CC2D1B: variants seen among roughly 807,000 people sequenced by gnomAD.
The protein encoded by CC2D1B is coiled-coil and C2 domain containing 1B, also known as coiled-coil and C2 domain-containing protein 1B.
A neutral mutation model predicts 110.8 loss-of-function variants in CC2D1B; 92 were observed. That is an observed-to-expected ratio of 0.83 (90% CI 0.70 to 0.99). The LOEUF (loss-of-function observed/expected upper bound fraction) is 0.99. CC2D1B is among the 50% of genes least tolerant of loss of function. CC2D1B has a pLI of 0.00. For missense variants in CC2D1B, 1,136 were observed against 1,089.0 expected (o/e 1.04, Z -0.61); for synonymous variants, 406 against 429.2 (o/e 0.95, Z 0.67).
Position 52,353,118 on chromosome 1 carries a change from G to A in CC2D1B, c.*107C>T, listed in dbSNP as rs930907633. 8.8e-7 allele frequency: 1 copy of A among 1,140,864 alleles called. No individual in the cohort carries two copies. The highest frequency in any genetic ancestry group is 1.3e-5 in the South Asian group (1 of 77,730). The allele number at this position is 1,140,864 out of a possible 1,614,324, so 70.7% of individuals were successfully genotyped here. A position where few individuals can be genotyped will look rare whatever the true frequency, so the allele number is the denominator to read the frequency against. The stretch of plus-strand genomic sequence containing the variant: ...CATGCTTAACAGGTCTTTGGTGCTT[G>A]GGTAGCAGCATCTCTTATGTACAAA... On this transcript the variant is annotated 3_prime_UTR_variant, in exon 25 of 25. Coordinates refer to ENST00000284376, the MANE Select transcript of CC2D1B (RefSeq NM_001330585.2).
chr1:52,357,736 C>G, intron 14 of CC2D1B, 38 bp from the exon 15 acceptor site: 1 of 1,606,988 alleles, frequency 6.2e-7, no homozygotes, highest in African/African-American at 1.3e-5. Context: ...CCACACCTGC[C>G]CTCTCTAGGC....
Position 52,357,744 on chromosome 1 carries a change from G to C in CC2D1B, c.1579+37C>G, listed in dbSNP as rs1557546289. The C allele has an allele frequency of 1.9e-6, 3 of 1,605,780 alleles. No homozygotes were observed. In the Admixed American group the frequency reaches 5.1e-5, roughly 27 times the overall value. ...GTTAGGGCCACACCTGCCCTCTCTA[G>C]GCCCTCAGTTCTTCACCCTGCTTGT... On this transcript the variant is annotated intron_variant, in intron 14 of 24. Coordinates refer to ENST00000284376, the MANE Select transcript of CC2D1B (RefSeq NM_001330585.2).
At position 52,359,871 on chromosome 1, in the gene CC2D1B, T is replaced by G. The variant is rs1245375914; in HGVS notation, c.776A>C (p.Gln259Pro). The G allele has an allele frequency of 6.2e-7, 1 of 1,611,522 alleles. No individual in the cohort carries two copies. The highest frequency in any genetic ancestry group is 1.7e-5 in the Admixed American group (1 of 59,642). The part of the protein sequence containing the change: ...PPALESDNPS[Q>P]PETSLPGISA... ...AATGCCAGGGAGGCTGGTCTCAGGT[T>G]GGGAGGGGTTGTCTATAAGGAAACA... The change falls in exon 8 of 25, where the codon CAA becomes CCA. Residue 259 changes from glutamine to proline, a missense_variant. By Grantham distance (76) the Gln-to-Pro change is moderately conservative. Coordinates refer to ENST00000284376, the MANE Select transcript of CC2D1B (RefSeq NM_001330585.2).
chr1:52,353,993 A>C (rs938086707), intron 23 of CC2D1B: 7 of 280,748 alleles, frequency 2.5e-5, no homozygotes, highest in African/African-American at 1.5e-4. Flanking sequence ...AAGAGAGAGA[A>C]GCAGATGACT....
chr1:52,362,471 G>A, intron 3 of CC2D1B, 131 bp downstream of exon 3: 1 of 1,095,908 alleles, frequency 9.1e-7, no homozygotes, highest in Non-Finnish European at 1.3e-6. Flanking sequence ...CTCTTGGTGG[G>A]AGTGCGGCAG....
rs749349326 is a variant in CC2D1B at position 52,356,460 on chromosome 1, G to C, written c.1879-18C>G. 1 of 1,614,130 alleles carries C rather than the reference G, an allele frequency of 6.2e-7. No homozygotes were observed. Among genetic ancestry groups the C allele is most frequent in the Non-Finnish European group, 8.5e-7 (1 of 1,179,976 alleles). Reference sequence around the variant, plus strand: ...AGGCACTTCTGAAAATAGAGGCCCAGAGTGACTCCCGAGCCCAGAGCAGGA... The same window carrying C: ...AGGCACTTCTGAAAATAGAGGCCCACAGTGACTCCCGAGCCCAGAGCAGGA... On this transcript the variant is annotated intron_variant, in intron 16 of 24. Transcript: ENST00000284376.
In CC2D1B at chr1:52,353,909, G is replaced by A. The variant is rs190292882; in HGVS notation, c.2431-262C>T. The stretch of plus-strand genomic sequence containing the variant: ...TGTTCATTTTCTCCTCAATCCCCAC[G>A]GCAACTTCTGGAAGAAACATTGGCT... On this transcript the variant is annotated intron_variant, in intron 23 of 24. Coordinates refer to ENST00000284376, the MANE Select transcript of CC2D1B (RefSeq NM_001330585.2). 548 of 350,812 alleles carry A rather than the reference G, an allele frequency of 1.6e-3. 2 individuals carry two copies. Among genetic ancestry groups the A allele is most frequent in the African/African-American group, 0.01 (505 of 48,146 alleles). 21.7% of individuals were successfully genotyped at this position (350,812 alleles called of 1,614,324 possible).
Position 52,357,135 on chromosome 1 carries a change from G to C in CC2D1B, c.1753-9C>G, listed in dbSNP as rs369362645. On this transcript the variant is annotated splice_polypyrimidine_tract_variant and intron_variant, in intron 15 of 24. Coordinates refer to ENST00000284376, the MANE Select transcript of CC2D1B (RefSeq NM_001330585.2). ...GTCAAGGGCGAAGGCACCTACCCAGGTCACAAGGCCCCTCGGGCCCCAAGA... is the reference window on the plus strand; with the variant it reads ...GTCAAGGGCGAAGGCACCTACCCAGCTCACAAGGCCCCTCGGGCCCCAAGA... 1.9e-6 allele frequency: 3 copies of C among 1,613,668 alleles called. No homozygotes were observed. The highest frequency in any genetic ancestry group is 2.5e-6 in the Non-Finnish European group (3 of 1,179,906).
chr1:52,360,733 A>T, intron 5 of CC2D1B, 184 bp from the exon 6 acceptor site: 1 of 992,598 alleles, frequency 1.0e-6, no homozygotes, highest in Admixed American at 2.9e-5. Context: ...AGGCAAATAC[A>T]GAGCCCCACT....
chr1:52,350,665 A>C lies in CC2D1B; in HGVS notation c.*2560T>G, dbSNP rs189743576. The C allele has an allele frequency of 2.0e-5, 3 of 152,352 alleles. No homozygotes were observed. In the East Asian group the frequency reaches 5.8e-4, roughly 29 times the overall value. 9.4% of individuals were successfully genotyped at this position (152,352 alleles called of 1,614,324 possible). A position where few individuals can be genotyped will look rare whatever the true frequency, so the allele number is the denominator to read the frequency against. On this transcript the variant is annotated 3_prime_UTR_variant, in exon 25 of 25. Transcript: ENST00000284376. ...GAAAGTGTGCATTGCATGAGATCAA[A>C]GAATTGAAAATTTTAAAATGATTTG...
chr1:52,353,912 A>AACTT, intron 23 of CC2D1B: 2 of 349,128 alleles, frequency 5.7e-6, no homozygotes, highest in Non-Finnish European at 1.0e-5. Context: ...TCCCCACGGC[A>AACTT]ACTTCTGGAA....
rs192052757 is a variant in CC2D1B at position 52,355,379 on chromosome 1, G to A, written c.2239+19C>T. 23 of 1,613,374 alleles carry A rather than the reference G, an allele frequency of 1.4e-5. No homozygotes were observed. Among genetic ancestry groups the A allele is most frequent in the Admixed American group, 6.7e-5 (4 of 59,952 alleles). ...ACACACTCTGAGGGAGGAGAAAGAG[G>A]CCCACGTGTGGCCCTCACCTGGAGA... On this transcript the variant is annotated intron_variant, in intron 21 of 24. Coordinates refer to ENST00000284376, the MANE Select transcript of CC2D1B (RefSeq NM_001330585.2).
chr1:52,351,440 AACCCTTC>A lies in CC2D1B; in HGVS notation c.*1778_*1784del. The A allele has an allele frequency of 6.6e-6, 1 of 152,276 alleles. No individual in the cohort carries two copies. Among genetic ancestry groups the A allele is most frequent in the Middle Eastern group, 3.4e-3 (1 of 294 alleles). The allele number at this position is 152,276 out of a possible 1,614,324, so 9.4% of individuals were successfully genotyped here. ...CCTAAGGGGAGTAGGTTGGGTTAGG[AACCCTTC>A]CAGTCACCTTTCTTTGCTCTATAGG... On this transcript the variant is annotated 3_prime_UTR_variant, in exon 25 of 25. Transcript: ENST00000284376.
At position 52,357,071 on chromosome 1, in the gene CC2D1B, T is replaced by C. The variant is rs761364470; in HGVS notation, c.1808A>G (p.Asp603Gly). The C allele has an allele frequency of 1.9e-6, 3 of 1,611,482 alleles. No homozygotes were observed. The South Asian group carries it at 3.3e-5, about 18-fold the overall frequency. The change falls in exon 16 of 25, where the codon GAC becomes GGC. Residue 603 changes from aspartate to glycine, a missense_variant. By Grantham distance (94) the Asp-to-Gly change is moderately conservative. Coordinates refer to ENST00000284376, the MANE Select transcript of CC2D1B (RefSeq NM_001330585.2). ...CTCCGCCTTCTGGGAGAGTCGCAGGTCCTCATGGTGGATGAGGATGAAGTC... is the reference window on the plus strand; with the variant it reads ...CTCCGCCTTCTGGGAGAGTCGCAGGCCCTCATGGTGGATGAGGATGAAGTC... ...EGDFILIHHEDLRLSQKAEEV... is the reference protein window; with the variant it reads ...EGDFILIHHEGLRLSQKAEEV...
rs1646556724 is a variant in CC2D1B at position 52,352,954 on chromosome 1, A to C, written c.*271T>G. On this transcript the variant is annotated 3_prime_UTR_variant, in exon 25 of 25. Coordinates refer to ENST00000284376, the MANE Select transcript of CC2D1B (RefSeq NM_001330585.2). ...GCTGCAGGACTCCATGGTACAGAGG[A>C]ATGGAAGTGTCCTTGCCCTCTTCCA... 1 of 356,780 alleles carries C rather than the reference A, an allele frequency of 2.8e-6. No individual in the cohort carries two copies. 22.1% of individuals were successfully genotyped at this position (356,780 alleles called of 1,614,324 possible). A position where few individuals can be genotyped will look rare whatever the true frequency, so the allele number is the denominator to read the frequency against.
At chr1:52,366,032 A>C (rs1238379363) in intron 1 of CC2D1B, 37 bp downstream of exon 1, 1 of 152,334 alleles carries the variant, frequency 6.6e-6, no homozygotes, top group Non-Finnish European at 1.5e-5. Flanking sequence ...CGCGGTCCCC[A>C]GAACTCCCCA....
At position 52,357,601 on chromosome 1, in the gene CC2D1B, G is replaced by C; in HGVS notation, c.1677C>G (p.Ala559=). 6.3e-7 allele frequency: 1 copy of C among 1,588,868 alleles called. No homozygotes were observed. Among genetic ancestry groups the C allele is most frequent in the Non-Finnish European group, 8.6e-7 (1 of 1,166,648 alleles). The part of the protein sequence containing the change: ...KRSQDLEQAK[A]YLRVAKWLEA... ...CAAGCCATTTGGCTACCCGCAGATA[G>C]GCTTTGGCCTGCTCCAGGTCCTGGC... is the stretch of plus-strand genomic sequence containing the variant. The change falls in exon 15 of 25, where the codon GCC becomes GCG. Residue 559 remains alanine, a synonymous_variant. Transcript: ENST00000284376.
chr1:52,355,071 T>G (rs1646618334), intron 21 of CC2D1B, 132 bp from the exon 22 acceptor site: 2 of 735,674 alleles, frequency 2.7e-6, no homozygotes, highest in Admixed American at 2.1e-5. Context: ...CTCCAAAGGG[T>G]GGTAGAGCAT....
chr1:52,358,950 C>T lies in CC2D1B; in HGVS notation c.1257+77G>A, dbSNP rs377009493. The T allele has an allele frequency of 3.3e-5, 52 of 1,572,348 alleles. 1 individual carries two copies. Among genetic ancestry groups the T allele is most frequent in the African/African-American group, 2.8e-4 (21 of 74,486 alleles). ...ATGGTTCAGAAAAGACAAGGACTAG[C>T]CGGAGGACCAGGGAGACAGAGCACC... On this transcript the variant is annotated intron_variant, in intron 11 of 24. Coordinates refer to ENST00000284376, the MANE Select transcript of CC2D1B (RefSeq NM_001330585.2).
Sources: gnomAD v4.1 joint callset for allele counts on GRCh38, gnomAD v4.1.1 for gene constraint, MANE v1.5 for transcripts, NCBI Gene and HGNC (gene_info 2026-07-23, HGNC 2026-07-21) for gene names.